NSD3: variants seen among roughly 807,000 people sequenced by gnomAD.
NSD3 encodes nuclear receptor binding SET domain protein 3.
Under a neutral mutation model 160.8 loss-of-function variants are expected in NSD3, and 24 were observed. The ratio of observed to expected loss-of-function variants is 0.15; its 90% CI spans 0.11 to 0.21. The LOEUF (loss-of-function observed/expected upper bound fraction) is 0.21. Ranked by LOEUF, NSD3 falls within the 10% of genes least tolerant of loss-of-function variation. The pLI, the probability that NSD3 is intolerant of heterozygous loss-of-function variation, is 1.00. For synonymous variants in NSD3, 520 were observed against 600.0 expected (o/e 0.87, Z 1.95); for missense variants, 1,157 against 1,735.9 (o/e 0.67, Z 5.93).
intron 16 of NSD3, 96 bp downstream of exon 16, chr8:38,295,700 G>C (rs1446968941): frequency 3.4e-6 from 4 of 1,159,454 alleles, no homozygotes; most frequent in Non-Finnish European, 4.8e-6. Flanking sequence ...GGTCCATGCT[G>C]TCTACCTATC....
intron 22 of NSD3, 50 bp from the exon 23 acceptor site, chr8:38,276,550 A>C: frequency 6.3e-7 from 1 of 1,597,012 alleles, no homozygotes; most frequent in Non-Finnish European, 8.6e-7. Context: ...ACAGTGCATG[A>C]AGCTGGACAC....
intron 1 of NSD3, among the ~76,000 whole-genome samples, chr8:38,371,978 G>T (rs1194750535): frequency 6.6e-6 from 1 of 152,104 alleles, no homozygotes; most frequent in Non-Finnish European, 1.5e-5. Context: ...AAAGAAATTT[G>T]GTTCTCTTGC....
chr8:38,280,617 T>C (rs571064691), intron 20 of NSD3, among the ~76,000 whole-genome samples: 27 of 152,234 alleles, frequency 1.8e-4, no homozygotes, highest in Non-Finnish European at 3.1e-4. Context: ...ATCAGCTTCT[T>C]GTCCTCTGTA....
At chr8:38,324,208 A>G (rs1195400185) in intron 7 of NSD3, among the ~76,000 whole-genome samples, 1 of 152,156 alleles carries the variant, frequency 6.6e-6, no homozygotes, top group Non-Finnish European at 1.5e-5. Flanking sequence ...ACAAGTTGCA[A>G]ATGTAGTACT....
rs1384007064 is a variant in NSD3 at position 38,278,317 on chromosome 8, C to G, written c.3856G>C (p.Val1286Leu). ...GADNCSGFLG[V>L]RPKSACASTN... ...CCTGCAAGACTGACCTTTGGCCGCA[C>G]TCCTAGAAAACCACTGCAGTTATCT... is the stretch of plus-strand genomic sequence containing the variant. Residue 1286 changes from valine (V) to leucine (L), a missense_variant, in exon 22 of 24, where the codon GTG (valine) becomes CTG (leucine). By Grantham distance (32) the Val-to-Leu change is conservative. Coordinates refer to ENST00000317025, the MANE Select transcript of NSD3 (RefSeq NM_023034.2). 1 of 1,613,936 alleles carries G rather than the reference C, an allele frequency of 6.2e-7. No homozygotes were observed. The highest frequency in any genetic ancestry group is 8.5e-7 in the Non-Finnish European group (1 of 1,179,938).
intron 1 of NSD3, among the ~76,000 whole-genome samples, chr8:38,361,480 G>A (rs1037569394): frequency 6.6e-6 from 1 of 151,610 alleles, no homozygotes. Flanking sequence ...AAGGGGCCGG[G>A]CGCGGTGGCT....
At chr8:38,357,381 C>G (rs1810851459) in intron 1 of NSD3, among the ~76,000 whole-genome samples, 1 of 152,050 alleles carries the variant, frequency 6.6e-6, no homozygotes, top group South Asian at 2.1e-4. Context: ...CAAGCAAGGT[C>G]GCTAACCTAC....
intron 1 of NSD3, among the ~76,000 whole-genome samples, chr8:38,370,481 A>G (rs577155267): frequency 2.0e-5 from 3 of 151,652 alleles, no homozygotes; most frequent in African/African-American, 4.8e-5. Context: ...TTGTTTAATC[A>G]GCTTAAGCTT....
rs1349043530 is a variant in NSD3 at position 38,280,383 on chromosome 8, A to C, written c.3619-702T>G. 1.3e-5 allele frequency among the ~76,000 whole-genome samples: 2 copies of C among 152,172 alleles called. 1 individual carries two copies. Among genetic ancestry groups the C allele is most frequent in the South Asian group, 4.1e-4 (2 of 4,828 alleles). On this transcript the variant is annotated intron_variant, in intron 20 of 23. Transcript: ENST00000317025. Reference sequence around the variant, plus strand: ...AGCCAGATCCCAGCAATCATAAAGAACGACATTTTAACTGATGTTTATGAA... The same window carrying C: ...AGCCAGATCCCAGCAATCATAAAGACCGACATTTTAACTGATGTTTATGAA...
In NSD3 at chr8:38,275,697, T is replaced by C; in HGVS notation, c.4258A>G (p.Ser1420Gly). ...PMAPVSPEYW[S>G]KIKCKWESQD... ...GATTCCCATTTACATTTTATCTTGCTCCAGTATTCTGGTGACACAGGAGCC... is the reference window on the plus strand; with the variant it reads ...GATTCCCATTTACATTTTATCTTGCCCCAGTATTCTGGTGACACAGGAGCC... The change falls in exon 24 of 24, where the codon AGC becomes GGC. Residue 1420 changes from serine (S) to glycine (G), a missense_variant. Physicochemically the swap from Ser to Gly is moderately conservative, Grantham distance 56. Around this residue, in one of 10 missense-constraint regions of NSD3, gnomAD observed 222 missense variants for 409.9 expected, o/e 0.54. Transcript: ENST00000317025. 1.2e-6 allele frequency: 2 copies of C among 1,614,228 alleles called. No individual in the cohort carries two copies. Among genetic ancestry groups the C allele is most frequent in the Non-Finnish European group, 1.7e-6 (2 of 1,180,034 alleles).
intron 2 of NSD3, among the ~76,000 whole-genome samples, chr8:38,343,291 G>C (rs1810425033): frequency 1.3e-5 from 2 of 151,936 alleles, no homozygotes; most frequent in Admixed American, 1.3e-4. Context: ...TAAAATCATA[G>C]TCCCTAAAAG....
rs183020873 is a variant in NSD3, at chr8:38,363,123, G to A, written c.-44-14908C>T. 3.9e-3 allele frequency among the ~76,000 whole-genome samples: 601 copies of A among 152,310 alleles called. 7 individuals carry two copies. The highest frequency in any genetic ancestry group is 6.8e-3 in the Middle Eastern group (2 of 294). On this transcript the variant is annotated intron_variant, in intron 1 of 23. Transcript: ENST00000317025. Reference sequence around the variant, plus strand: ...ACAAAACTACTTCCGTGTTAACGAAGGTACTGCGTACTTCTACATCTTGCT... The same window carrying A: ...ACAAAACTACTTCCGTGTTAACGAAAGTACTGCGTACTTCTACATCTTGCT...
Position 38,316,743 on chromosome 8 carries a change from G to T in NSD3, c.1856-701C>A. Reference sequence around the variant, plus strand: ...AAATCACGTAGAGCTGGATGGGAAGGCCTCTATGTGGAATTTGTGCGGGAA... The same window carrying T: ...AAATCACGTAGAGCTGGATGGGAAGTCCTCTATGTGGAATTTGTGCGGGAA... On this transcript the variant is annotated intron_variant, in intron 9 of 23. Coordinates refer to ENST00000317025, the MANE Select transcript of NSD3 (RefSeq NM_023034.2). This position sits in a 1 kb window ranked among gnomAD's most constrained non-coding sequence, Gnocchi z 4.5. 5 of 1,057,770 alleles carry T rather than the reference G, an allele frequency of 4.7e-6. No individual in the cohort carries two copies. Among genetic ancestry groups the T allele is most frequent in the Non-Finnish European group, 5.7e-6 (5 of 874,522 alleles). The allele number at this position is 1,057,770 out of a possible 1,614,324, so 65.5% of individuals were successfully genotyped here.
chr8:38,296,352 AG>A (rs1380391273), intron 15 of NSD3, among the ~76,000 whole-genome samples: 2 of 152,376 alleles, frequency 1.3e-5, no homozygotes, highest in Admixed American at 1.3e-4. Context: ...GAGGTAAGAA[AG>A]AAAGCAAGTC....
intron 7 of NSD3, among the ~76,000 whole-genome samples, chr8:38,323,266 C>T (rs1809833919): frequency 6.6e-6 from 1 of 151,990 alleles, no homozygotes; most frequent in African/African-American, 2.4e-5. Flanking sequence ...ACCATGTTGG[C>T]CAGGTGATCT....
chr8:38,301,508 A>C (rs867115273), intron 14 of NSD3, among the ~76,000 whole-genome samples: 1 of 152,224 alleles, frequency 6.6e-6, no homozygotes, highest in Non-Finnish European at 1.5e-5. Flanking sequence ...TGAACCCAGA[A>C]GGCAGAGGTT....
chr8:38,317,892 G>A lies in NSD3; in HGVS notation c.1855+1003C>T. 4 of 1,601,104 alleles carry A rather than the reference G, an allele frequency of 2.5e-6. No homozygotes were observed. The highest frequency in any genetic ancestry group is 2.6e-6 in the Non-Finnish European group (3 of 1,173,652). ...CAAAGAAACTGTTTATCAAGCCGCCGACAAAGAAATCTTGCATGGAGACTA... is the reference window on the plus strand; with the variant it reads ...CAAAGAAACTGTTTATCAAGCCGCCAACAAAGAAATCTTGCATGGAGACTA... On this transcript the variant is annotated intron_variant, in intron 9 of 23. Coordinates refer to ENST00000317025, the MANE Select transcript of NSD3 (RefSeq NM_023034.2). This position sits in a 1 kb window ranked among gnomAD's most constrained non-coding sequence, Gnocchi z 5.3.
At chr8:38,355,055 C>G (rs550996725) in intron 1 of NSD3, among the ~76,000 whole-genome samples, 1 of 152,142 alleles carries the variant, frequency 6.6e-6, no homozygotes, top group Non-Finnish European at 1.5e-5. Flanking sequence ...CCAGCCTTCA[C>G]GCAGCAGACA....
chr8:38,312,575 T>C (rs1809559983), intron 12 of NSD3, among the ~76,000 whole-genome samples: 1 of 152,132 alleles, frequency 6.6e-6, no homozygotes, highest in Admixed American at 6.5e-5. Flanking sequence ...GTATGGATCA[T>C]GGAGGTGGAT....
Sources: gnomAD v4.1 joint callset for allele counts (sites outside exome capture counted in the v4.1 genomes callset) on GRCh38, gnomAD v4.1.1 for gene constraint, gnomAD v4.1.1 regional missense constraint, Gnocchi (gnomAD v3.1) non-coding constraint, MANE v1.5 for transcripts, NCBI Gene and HGNC (gene_info 2026-07-23, HGNC 2026-07-21) for gene names.